Variants in TEX15 observed in about 807,000 individuals in gnomAD.
TEX15 encodes the protein testis expressed 15, meiosis and synapsis associated, also known as testis-expressed protein 15.
In TEX15, 171 loss-of-function variants were observed where a neutral mutation model predicts 237.3. That is an observed-to-expected ratio of 0.72 (90% CI 0.64 to 0.82). The LOEUF (loss-of-function observed/expected upper bound fraction) is 0.82, where lower values mean the gene tolerates loss of function less well. TEX15 is among the 40% of genes least tolerant of loss of function. The probability of loss-of-function intolerance (pLI) is 0.00; values close to 1 mark genes in which losing one functional copy is unlikely to be tolerated. For missense variants in TEX15, 3,750 were observed against 3,646.5 expected (o/e 1.03, Z -0.73); for synonymous variants, 1,338 against 1,269.8 (o/e 1.05, Z -1.14).
chr8:30,888,589 T>C (rs1808715984), intron 2 of TEX15: 3 of 1,279,306 alleles, frequency 2.3e-6, no homozygotes, highest in Non-Finnish European at 3.1e-6. Context: ...AAGAAAGCTA[T>C]GGAGTATACA....
intron 7 of TEX15, 21 bp downstream of exon 7, chr8:30,858,646 TA>T (rs768136672): frequency 6.6e-7 from 1 of 1,508,870 alleles, no homozygotes; most frequent in Non-Finnish European, 8.8e-7. Flanking sequence ...ATTAATCAAG[TA>T]CAATCATATG....
intron 2 of TEX15, among the ~76,000 whole-genome samples, chr8:30,897,781 C>G (rs1808933900): frequency 6.6e-6 from 1 of 152,146 alleles, no homozygotes; most frequent in African/African-American, 2.4e-5. Context: ...CTGCCTCAGC[C>G]TCCTAAGTAG....
chr8:30,873,052 C>A (rs1462023344), intron 4 of TEX15, among the ~76,000 whole-genome samples: 1 of 152,092 alleles, frequency 6.6e-6, no homozygotes, highest in Admixed American at 6.6e-5. Context: ...TTCCACTCTA[C>A]GATGTTTACA....
At chr8:30,835,579 A>G (rs188356216) in intron 10 of TEX15, among the ~76,000 whole-genome samples, 97 of 152,280 alleles carry the variant, frequency 6.4e-4, no homozygotes, top group African/African-American at 2.2e-3. Context: ...GCCTTAAAAA[A>G]GAATTATCTT....
chr8:30,894,968 C>T (rs1467736635), intron 2 of TEX15, among the ~76,000 whole-genome samples: 7 of 152,192 alleles, frequency 4.6e-5, no homozygotes, highest in Admixed American at 3.9e-4. Flanking sequence ...GCTACCAAAT[C>T]TGCCAGCACC....
intron 5 of TEX15, among the ~76,000 whole-genome samples, chr8:30,863,616 C>T (rs1808096489): frequency 1.3e-5 from 2 of 152,070 alleles, no homozygotes; most frequent in Admixed American, 6.6e-5. Context: ...ATTAAAGAGC[C>T]AGTGCCTTTT....
At chr8:30,895,481 T>A (rs1808882178) in intron 2 of TEX15, among the ~76,000 whole-genome samples, 1 of 151,608 alleles carries the variant, frequency 6.6e-6, no homozygotes, top group Admixed American at 6.6e-5. Context: ...CTATTAATAA[T>A]CCTCTTATTG....
chr8:30,884,675 T>C (rs1808607694), intron 3 of TEX15, among the ~76,000 whole-genome samples: 1 of 152,200 alleles, frequency 6.6e-6, no homozygotes, highest in Non-Finnish European at 1.5e-5. Context: ...TCTGTAGTGA[T>C]GTCCTCTCTT....
At chr8:30,833,793 CCTT>C (rs1563224259) in intron 10 of TEX15, among the ~76,000 whole-genome samples, 1 of 152,038 alleles carries the variant, frequency 6.6e-6, no homozygotes, top group Non-Finnish European at 1.5e-5. Context: ...GCAATTGCCT[CCTT>C]AATTTTTTTT....
intron 5 of TEX15, 44 bp downstream of exon 5, chr8:30,867,221 A>C (rs1307697644): frequency 2.1e-6 from 2 of 952,200 alleles, no homozygotes; most frequent in Admixed American, 4.3e-5. Context: ...GGTCAATTCA[A>C]AGCAAACTGT....
chr8:30,890,960 ATAAAT>A (rs1206684354), intron 2 of TEX15, among the ~76,000 whole-genome samples: 5 of 152,222 alleles, frequency 3.3e-5, no homozygotes, highest in African/African-American at 1.2e-4. Flanking sequence ...CCATATACAA[ATAAAT>A]TAGTTTTGTC....
At chr8:30,836,088 T>C (rs1216248790) in intron 10 of TEX15, among the ~76,000 whole-genome samples, 1 of 152,176 alleles carries the variant, frequency 6.6e-6, no homozygotes. Context: ...GTTGGCATAT[T>C]TTATTTCAGT....
At chr8:30,886,050 T>C (rs1315240188) in intron 3 of TEX15, among the ~76,000 whole-genome samples, 3 of 152,214 alleles carry the variant, frequency 2.0e-5, no homozygotes, top group African/African-American at 4.8e-5. Context: ...CCAACACCTG[T>C]GTCAATCTTG....
intron 4 of TEX15, 81 bp downstream of exon 4, chr8:30,874,856 A>C (rs940613846): frequency 1.2e-6 from 1 of 817,090 alleles, no homozygotes; most frequent in African/African-American, 1.8e-5. Flanking sequence ...TAAATCTCAT[A>C]TGGTAGAAAT....
intron 3 of TEX15, among the ~76,000 whole-genome samples, chr8:30,876,891 G>A (rs371053387): frequency 3.9e-5 from 6 of 152,104 alleles, no homozygotes; most frequent in South Asian, 2.1e-4. Flanking sequence ...CCCCATGCTA[G>A]TCTTGAGATA....
Position 30,848,863 on chromosome 8 carries a change from C to T in TEX15, c.1304G>A (p.Arg435Lys). 1 of 1,614,124 alleles carries T rather than the reference C, an allele frequency of 6.2e-7. No homozygotes were observed. Among genetic ancestry groups the T allele is most frequent in the Non-Finnish European group, 8.5e-7 (1 of 1,180,024 alleles). The part of the protein sequence containing the change: ...VTTSKSIKDP[R>K]LMRREESMGE... ...CATACTTTCTTCTCTCCTCATCAGTCTTGGGTCTTTGATGGATTTTGAAGT... is the reference window on the plus strand; with the variant it reads ...CATACTTTCTTCTCTCCTCATCAGTTTTGGGTCTTTGATGGATTTTGAAGT... The change falls in exon 8 of 11, where the codon AGA becomes AAA. Residue 435 changes from arginine (R) to lysine (K), a missense_variant. Coordinates refer to ENST00000643185, the MANE Select transcript of TEX15 (RefSeq NM_001350162.2).
chr8:30,882,947 T>C (rs894656972), intron 3 of TEX15, among the ~76,000 whole-genome samples: 13 of 152,082 alleles, frequency 8.5e-5, no homozygotes, highest in African/African-American at 2.9e-4. Context: ...AATTCTTGTA[T>C]TTTTTGTAGA....
rs1445414119 is a variant in TEX15 at position 30,832,224 on chromosome 8, T to G, written c.*1062A>C. The G allele has an allele frequency of 6.6e-6, 1 of 152,204 alleles. No homozygotes were observed. Among genetic ancestry groups the G allele is most frequent in the Non-Finnish European group, 1.5e-5 (1 of 68,030 alleles). The allele number at this position is 152,204 out of a possible 1,614,324, so 9.4% of individuals were successfully genotyped here. A position where few individuals can be genotyped will look rare whatever the true frequency, so the allele number is the denominator to read the frequency against. ...GGCCTGTGCCAGATAACACAAAAAG[T>G]TTGCTTACATAAAAAGTTTGCAAAA... On this transcript the variant is annotated 3_prime_UTR_variant, in exon 11 of 11. Coordinates refer to ENST00000643185, the MANE Select transcript of TEX15 (RefSeq NM_001350162.2).
In TEX15 at chr8:30,875,088, A is replaced by G. The variant is rs1462994092; in HGVS notation, c.151T>C (p.Cys51Arg). The change falls in exon 4 of 11, where the codon TGT becomes CGT. Residue 51 changes from cysteine (C) to arginine (R), a missense_variant. Transcript: ENST00000643185. ...CTATACTCTCTACTATTGGTGTAAC[A>G]AGGTGACAAGTAAACTAAAGGTAGA... Reference protein sequence around the residue: ...RTAEKVYLSPCYTNSREYSFI... With the variant: ...RTAEKVYLSPRYTNSREYSFI... 1.6e-6 allele frequency: 2 copies of G among 1,242,568 alleles called. No homozygotes were observed. The highest frequency in any genetic ancestry group is 2.0e-6 in the Non-Finnish European group (2 of 991,862). The allele number at this position is 1,242,568 out of a possible 1,614,324, so 77.0% of individuals were successfully genotyped here.
Sources: gnomAD v4.1 joint callset for allele counts (sites outside exome capture counted in the v4.1 genomes callset) on GRCh38, gnomAD v4.1.1 for gene constraint, MANE v1.5 for transcripts, NCBI Gene and HGNC (gene_info 2026-07-23, HGNC 2026-07-21) for gene names.